The following SLF2 variants were observed in gnomAD, a reference collection of about 807,000 sequenced individuals.
SLF2 encodes the protein SMC5/6 complex localization factor 2.
In SLF2, 68 loss-of-function variants were observed where a neutral mutation model predicts 124.3. The ratio of observed to expected loss-of-function variants is 0.55; its 90% CI spans 0.45 to 0.67. The LOEUF is 0.67. SLF2 is among the 30% of genes least tolerant of loss of function. The pLI, the probability that SLF2 is intolerant of heterozygous loss-of-function variation, is 0.00. For synonymous variants in SLF2, 480 were observed against 478.8 expected (o/e 1.00, Z -0.03); for missense variants, 1,246 against 1,373.7 (o/e 0.91, Z 1.47).
At chr10:100,955,252 T>TAAA (rs756117577) in intron 17 of SLF2, among the ~76,000 whole-genome samples, 1 of 142,216 alleles carries the variant, frequency 7.0e-6, no homozygotes, top group African/African-American at 2.6e-5. Context: ...CCCTATCTCT[T>TAAA]AAAAAAAAAA....
chr10:100,918,172 A>G (rs1849457200), intron 3 of SLF2, among the ~76,000 whole-genome samples: 1 of 152,208 alleles, frequency 6.6e-6, no homozygotes, highest in Non-Finnish European at 1.5e-5. Flanking sequence ...TTTTTATGAT[A>G]TTTTTACATG....
intron 11 of SLF2, 55 bp downstream of exon 11, chr10:100,938,791 A>G: frequency 3.5e-6 from 5 of 1,435,978 alleles, no homozygotes; most frequent in Non-Finnish European, 4.7e-6. Context: ...CGACTTATAT[A>G]TAATTATAGC....
chr10:100,948,256 A>G (rs534371002), intron 15 of SLF2, among the ~76,000 whole-genome samples: 1 of 152,336 alleles, frequency 6.6e-6, no homozygotes, highest in Non-Finnish European at 1.5e-5. Flanking sequence ...GTCTTTTTAG[A>G]TCATAGAGCT....
At chr10:100,953,641 TC>T (rs1357683106) in intron 17 of SLF2, among the ~76,000 whole-genome samples, 2 of 151,896 alleles carry the variant, frequency 1.3e-5, no homozygotes, top group African/African-American at 4.8e-5. Flanking sequence ...TTCCTTTTTT[TC>T]CTCTTTAAAA....
chr10:100,927,335 G>A (rs888956108), intron 6 of SLF2, among the ~76,000 whole-genome samples: 2 of 152,172 alleles, frequency 1.3e-5, no homozygotes, highest in African/African-American at 4.8e-5. Context: ...TCTCATGTAA[G>A]TGGTATTATA....
chr10:100,944,297 C>T (rs529231573), intron 12 of SLF2, among the ~76,000 whole-genome samples, 169 bp downstream of exon 12: 21 of 151,954 alleles, frequency 1.4e-4, no homozygotes, highest in African/African-American at 4.3e-4. Flanking sequence ...AGATCGAGAC[C>T]ATCCTGGCTA....
In SLF2 at chr10:100,950,723, T is replaced by G. The variant is rs1487406976; in HGVS notation, c.3300T>G (p.Ser1100Arg). 6.2e-7 allele frequency: 1 copy of G among 1,613,936 alleles called. No homozygotes were observed. Among genetic ancestry groups the G allele is most frequent in the Non-Finnish European group, 8.5e-7 (1 of 1,179,956 alleles). The change falls in exon 17 of 20, where the codon AGT (serine) becomes AGG (arginine). Residue 1100 changes from serine (S) to arginine (R), a missense_variant. Ser to Arg is a moderately radical substitution (Grantham distance 110). Transcript: ENST00000238961. ...YILLHLVGEV[S>R]CSHSFSSGQR... Reference sequence around the variant, plus strand: ...TTCTTCATTTAGTCGGTGAAGTTAGTTGTTCTCATTCTTTTTCTTCTGGAC... The same window carrying G: ...TTCTTCATTTAGTCGGTGAAGTTAGGTGTTCTCATTCTTTTTCTTCTGGAC...
rs1850481782 is a variant in SLF2, at chr10:100,964,857, G to C, written c.*2945G>C. On this transcript the variant is annotated 3_prime_UTR_variant, in exon 20 of 20. Transcript: ENST00000238961. The stretch of plus-strand genomic sequence containing the variant: ...GATGACTGTGGTGGTTTGTCGCTAA[G>C]GAGGCAACAGTAGGGTCCAGGCGGC... The C allele has an allele frequency of 6.6e-6, 1 of 152,258 alleles. No individual in the cohort carries two copies. Among genetic ancestry groups the C allele is most frequent in the East Asian group, 1.9e-4 (1 of 5,194 alleles). 9.4% of individuals were successfully genotyped at this position (152,258 alleles called of 1,614,324 possible).
intron 4 of SLF2, among the ~76,000 whole-genome samples, chr10:100,922,840 G>A (rs1046240652): frequency 6.7e-6 from 1 of 150,266 alleles, no homozygotes; most frequent in African/African-American, 2.5e-5. Flanking sequence ...CAGTGGTGCC[G>A]TCTTGGCTCA....
In SLF2 at chr10:100,964,671, T is replaced by C. The variant is rs1850479367; in HGVS notation, c.*2759T>C. 1 of 152,638 alleles carries C rather than the reference T, an allele frequency of 6.6e-6. No individual in the cohort carries two copies. Among genetic ancestry groups the C allele is most frequent in the South Asian group, 2.1e-4 (1 of 4,834 alleles). 9.5% of individuals were successfully genotyped at this position (152,638 alleles called of 1,614,324 possible). ...ATGGCGTGTTATCATCCAGGCTTAG[T>C]TGGAGTATTTGCATTTTTATTTTTA... On this transcript the variant is annotated 3_prime_UTR_variant, in exon 20 of 20. Coordinates refer to ENST00000238961, the MANE Select transcript of SLF2 (RefSeq NM_018121.4).
chr10:100,913,472 G>C (rs766787144), intron 1 of SLF2: 1 of 1,288,472 alleles, frequency 7.8e-7, no homozygotes, highest in Non-Finnish European at 9.8e-7. Flanking sequence ...GTGACCACCA[G>C]CCTGGACAGC....
chr10:100,948,387 T>G (rs1028594829), intron 15 of SLF2, among the ~76,000 whole-genome samples: 1 of 152,206 alleles, frequency 6.6e-6, no homozygotes, highest in African/African-American at 2.4e-5. Context: ...TCCCAGCTAC[T>G]TGGGAGGCTG....
intron 19 of SLF2, among the ~76,000 whole-genome samples, chr10:100,960,995 C>CTACTTTTTTTTTTTTTTT (rs1411407192): frequency 1.8e-5 from 1 of 54,450 alleles, no homozygotes. Context: ...ATATTCTGTA[C>CTACTTTTTTTTTTTTTTT]TTCTTTTTTT....
chr10:100,960,929 A>G (rs756774197), intron 19 of SLF2, among the ~76,000 whole-genome samples: 26 of 150,292 alleles, frequency 1.7e-4, no homozygotes, highest in Non-Finnish European at 3.1e-4. Context: ...ATAGGAATCA[A>G]CTAGGAACTT....
intron 12 of SLF2, among the ~76,000 whole-genome samples, chr10:100,944,494 CAAA>C (rs34072572): frequency 9.9e-6 from 1 of 100,656 alleles, no homozygotes. Flanking sequence ...GACTCTGTCT[CAAA>C]AAAAAAAAAA....
chr10:100,915,559 A>G (rs1405494980), intron 1 of SLF2, among the ~76,000 whole-genome samples: 1 of 151,802 alleles, frequency 6.6e-6, no homozygotes, highest in Non-Finnish European at 1.5e-5. Context: ...GTTTTTTTTT[A>G]GCTTGTTATT....
Position 100,924,860 on chromosome 10 carries a change from C to T in SLF2, c.1859C>T (p.Thr620Ile). Residue 620 changes from threonine (T) to isoleucine (I), a missense_variant, in exon 5 of 20, where the codon ACA becomes ATA. Coordinates refer to ENST00000238961, the MANE Select transcript of SLF2 (RefSeq NM_018121.4). ...CTAGACAGTGATGAGGAAGAGGAAA[C>T]ATTAAAGTCACTGGAAGAAATAATG... The part of the protein sequence containing the change: ...YNLDSDEEEE[T>I]LKSLEEIMAL... 2.5e-6 allele frequency: 4 copies of T among 1,614,176 alleles called. No homozygotes were observed. The highest frequency in any genetic ancestry group is 2.2e-5 in the East Asian group (1 of 44,882).
At chr10:100,932,720 T>TGTGTGTGTGTGC (rs763852210) in intron 9 of SLF2, among the ~76,000 whole-genome samples, 29 of 36,258 alleles carry the variant, frequency 8.0e-4, no homozygotes, top group Non-Finnish European at 1.3e-3. Flanking sequence ...TGTGTGTGTG[T>TGTGTGTGTGTGC]GCGCGCGCGC....
At chr10:100,953,083 T>G (rs924930222) in intron 17 of SLF2, among the ~76,000 whole-genome samples, 1 of 151,784 alleles carries the variant, frequency 6.6e-6, no homozygotes, top group Non-Finnish European at 1.5e-5. Context: ...TAGCACAATC[T>G]TGGCTCACTG....
Sources: gnomAD v4.1 joint callset for allele counts (sites outside exome capture counted in the v4.1 genomes callset) on GRCh38, gnomAD v4.1.1 for gene constraint, MANE v1.5 for transcripts, NCBI Gene and HGNC (gene_info 2026-07-23, HGNC 2026-07-21) for gene names.